EPHB1: variants seen among roughly 807,000 people sequenced by gnomAD.
The protein encoded by EPHB1 is EPH receptor B1.
In EPHB1, 30 loss-of-function variants were observed where a neutral mutation model predicts 94.4. The observed-to-expected ratio is 0.32, with a 90% confidence interval of 0.24 to 0.43. The LOEUF (loss-of-function observed/expected upper bound fraction) is 0.43. Among genes scored for constraint, EPHB1 ranks in the 20% least tolerant of loss-of-function variants. The probability of loss-of-function intolerance (pLI) is 1.00; values close to 1 mark genes in which losing one functional copy is unlikely to be tolerated. For missense variants in EPHB1, 1,055 were observed against 1,308.3 expected, an observed-to-expected ratio of 0.81 and a Z score of 2.99; for synonymous variants, 522 against 489.1, an observed-to-expected ratio of 1.07 and a Z score of -0.89.
intron 12 of EPHB1, among the ~76,000 whole-genome samples, chr3:135,202,683 G>A (rs1034398506): frequency 1.3e-5 from 2 of 152,130 alleles, no homozygotes; most frequent in South Asian, 2.1e-4. Context: ...AAAAGGAAAC[G>A]CCAATTAGAA....
At chr3:134,977,646 T>C (rs1934239655) in intron 3 of EPHB1, among the ~76,000 whole-genome samples, 1 of 152,184 alleles carries the variant, frequency 6.6e-6, no homozygotes, top group Admixed American at 6.5e-5. Flanking sequence ...GTTTTCCATC[T>C]GTGTGTAGAG....
intron 2 of EPHB1, among the ~76,000 whole-genome samples, chr3:134,928,643 C>T (rs919277124): frequency 6.6e-6 from 1 of 152,110 alleles, no homozygotes; most frequent in Non-Finnish European, 1.5e-5. Context: ...CTGAGGCACC[C>T]ACGGGAAGGT....
intron 2 of EPHB1, among the ~76,000 whole-genome samples, chr3:134,937,748 T>A (rs1389831328): frequency 6.6e-6 from 1 of 152,144 alleles, no homozygotes; most frequent in Non-Finnish European, 1.5e-5. Flanking sequence ...GCCTGGGGCC[T>A]GCAGCTCCCA....
At chr3:134,898,075 C>T (rs758192860) in intron 1 of EPHB1, among the ~76,000 whole-genome samples, 4 of 152,066 alleles carry the variant, frequency 2.6e-5, no homozygotes, top group South Asian at 4.2e-4. Flanking sequence ...ACATCGATTC[C>T]GGAGTCTGTG....
At chr3:135,147,499 C>G (rs1258904184) in intron 5 of EPHB1, among the ~76,000 whole-genome samples, 1 of 152,198 alleles carries the variant, frequency 6.6e-6, no homozygotes, top group African/African-American at 2.4e-5. Context: ...CCAGACAAAG[C>G]AATGCCCTAT....
chr3:135,084,539 G>A (rs936700900), intron 3 of EPHB1, among the ~76,000 whole-genome samples: 2 of 152,174 alleles, frequency 1.3e-5, no homozygotes, highest in African/African-American at 2.4e-5. Context: ...ATGACAGAGA[G>A]CGAGCCTGTG....
intron 3 of EPHB1, among the ~76,000 whole-genome samples, chr3:135,023,028 C>T (rs892948411): frequency 1.3e-5 from 2 of 152,188 alleles, no homozygotes; most frequent in Non-Finnish European, 1.5e-5. Context: ...TATTGTCCAA[C>T]GTGTTCTGTT....
chr3:135,049,048 G>A (rs1937091931), intron 3 of EPHB1, among the ~76,000 whole-genome samples: 1 of 152,112 alleles, frequency 6.6e-6, no homozygotes, highest in African/African-American at 2.4e-5. Flanking sequence ...TGGCTTTTTT[G>A]GGATCTAAGT....
At chr3:135,183,473 CA>C (rs1250161768) in intron 10 of EPHB1, among the ~76,000 whole-genome samples, 1 of 152,162 alleles carries the variant, frequency 6.6e-6, no homozygotes, top group African/African-American at 2.4e-5. Context: ...ATTCATTAAA[CA>C]TTGTTTCTGT....
At chr3:135,043,277 G>GTAA (rs3067430) in intron 3 of EPHB1, among the ~76,000 whole-genome samples, 18,801 of 149,734 alleles carry the variant, frequency 0.13, 1,515 homozygotes, top group African/African-American at 0.23. Flanking sequence ...AATAATAATA[G>GTAA]TAATAATAAT....
chr3:135,116,643 A>G (rs988148113), intron 4 of EPHB1, among the ~76,000 whole-genome samples: 2 of 152,240 alleles, frequency 1.3e-5, no homozygotes, highest in East Asian at 1.9e-4. Flanking sequence ...GACCACTGAC[A>G]TTGTCCCAAA....
intron 3 of EPHB1, among the ~76,000 whole-genome samples, chr3:134,973,060 G>C (rs947346345): frequency 6.6e-6 from 1 of 152,204 alleles, no homozygotes; most frequent in African/African-American, 2.4e-5. Context: ...CAGCAATAAG[G>C]CATTGGAGTC....
intron 7 of EPHB1, among the ~76,000 whole-genome samples, chr3:135,163,911 G>A (rs565438337): frequency 1.8e-4 from 27 of 152,236 alleles, no homozygotes; most frequent in African/African-American, 5.8e-4. Flanking sequence ...AAGGTTGATC[G>A]ATGATAGGGT....
intron 1 of EPHB1, among the ~76,000 whole-genome samples, chr3:134,906,290 C>A (rs1012656821): frequency 6.3e-4 from 96 of 152,324 alleles, no homozygotes; most frequent in Non-Finnish European, 2.5e-4. Context: ...TCTGTAGGTA[C>A]ACTCTATTTA....
chr3:135,206,686 C>T (rs1428556394), intron 12 of EPHB1, among the ~76,000 whole-genome samples: 1 of 152,134 alleles, frequency 6.6e-6, no homozygotes, highest in Admixed American at 6.5e-5. Context: ...CCCGCCTCTA[C>T]TAAATCCAAA....
chr3:134,802,093 G>A (rs984234771), intron 1 of EPHB1, among the ~76,000 whole-genome samples: 9 of 152,152 alleles, frequency 5.9e-5, no homozygotes, highest in African/African-American at 2.2e-4. Context: ...AGAGAGAGTA[G>A]CAGGGACTTG....
chr3:134,871,635 G>A (rs952241072), intron 1 of EPHB1, among the ~76,000 whole-genome samples: 1 of 152,128 alleles, frequency 6.6e-6, no homozygotes, highest in African/African-American at 2.4e-5. Context: ...CTTTCTGGGT[G>A]ATCTCAGCCA....
At chr3:135,152,898 G>A (rs116443495) in intron 5 of EPHB1, among the ~76,000 whole-genome samples, 1,806 of 152,256 alleles carry the variant, frequency 0.012, 27 homozygotes, top group Non-Finnish European at 0.016. Context: ...CCACCACAAG[G>A]TCTCTAATGG....
chr3:134,934,351 G>A (rs1442574767), intron 2 of EPHB1, among the ~76,000 whole-genome samples: 1 of 152,204 alleles, frequency 6.6e-6, no homozygotes, highest in Admixed American at 6.5e-5. Context: ...GTGAGAGCCA[G>A]GAAGCAGGCC....
Sources: allele counts gnomAD v4.1 joint callset (sites outside exome capture counted in the v4.1 genomes callset), GRCh38; gene constraint gnomAD v4.1.1; transcripts MANE v1.5; gene names NCBI Gene and HGNC (gene_info 2026-07-23, HGNC 2026-07-21).